The following CCDC180 variants were observed in gnomAD, a reference collection of about 807,000 sequenced individuals.
CCDC180 encodes the protein coiled-coil domain containing 180, also known as coiled-coil domain-containing protein 180.
A neutral mutation model predicts 209.2 loss-of-function variants in CCDC180; 154 were observed. The observed-to-expected ratio is 0.74, with a 90% CI of 0.65 to 0.84. The LOEUF is 0.84. Ranked by LOEUF, CCDC180 falls within the 40% of genes least tolerant of loss-of-function variation. CCDC180 has a pLI of 0.00. For missense variants in CCDC180, 1,874 were observed against 1,997.3 expected, an observed-to-expected ratio of 0.94 and a Z score of 1.18; for synonymous variants, 778 against 749.1, an observed-to-expected ratio of 1.04 and a Z score of -0.63.
chr9:97,340,087 C>A (rs1373748291), intron 18 of CCDC180, among the ~76,000 whole-genome samples: 1 of 152,078 alleles, frequency 6.6e-6, no homozygotes, highest in Non-Finnish European at 1.5e-5. Flanking sequence ...TTTTAGCTTC[C>A]TTGCATTAGG....
In CCDC180 at chr9:97,343,543, A is replaced by T; in HGVS notation, c.2478A>T (p.Leu826=). ...AACAAGTGACAATTCCATCGAGACT[A>T]ATTTTAGAAATTAAGAAACAGTGAG... is the stretch of plus-strand genomic sequence containing the variant. ...FIEQVTIPSR[L]ILEIKKQLRA... is the part of the protein sequence containing the mutation. The change falls in exon 19 of 37, where the codon CTA becomes CTT. Residue 826 remains leucine, a synonymous_variant. Transcript: ENST00000529487. The T allele has an allele frequency of 6.2e-7, 1 of 1,612,800 alleles. No homozygotes were observed. The highest frequency in any genetic ancestry group is 8.5e-7 in the Non-Finnish European group (1 of 1,178,880).
chr9:97,307,572 C>T (rs1466318151), upstream of CCDC180: 3 of 660,666 alleles, frequency 4.5e-6, no homozygotes, highest in Non-Finnish European at 8.2e-6. Flanking sequence ...CCCTCCAATT[C>T]TCCTCCCTGT....
intron 25 of CCDC180, 194 bp downstream of exon 25, chr9:97,357,919 T>C: frequency 1.9e-6 from 1 of 517,362 alleles, no homozygotes; most frequent in South Asian, 2.6e-5. Context: ...AAGCAGCCAC[T>C]GTTCACCTCC....
intron 36 of CCDC180, 22 bp from the exon 37 acceptor site, chr9:97,376,741 C>A: frequency 6.8e-6 from 11 of 1,609,064 alleles, no homozygotes; most frequent in Non-Finnish European, 9.3e-6. Context: ...CATGTGGACC[C>A]CTCCTGCTAC....
chr9:97,365,295 A>T (rs1182306894), intron 29 of CCDC180: 1 of 183,696 alleles, frequency 5.4e-6, no homozygotes, highest in Non-Finnish European at 1.1e-5. Flanking sequence ...GATCTTAAAC[A>T]CCTGGTGGCC....
intron 35 of CCDC180, 90 bp downstream of exon 35, chr9:97,374,738 T>C (rs1341330881): frequency 5.9e-6 from 6 of 1,010,116 alleles, no homozygotes; most frequent in Admixed American, 2.1e-5. Flanking sequence ...GACTCTGAAG[T>C]CAGACAGACC....
At chr9:97,311,121 A>G (rs1038750336) in intron 3 of CCDC180, among the ~76,000 whole-genome samples, 1 of 152,184 alleles carries the variant, frequency 6.6e-6, no homozygotes, top group African/African-American at 2.4e-5. Flanking sequence ...CACCCAGGGC[A>G]GACTCCTGGG....
At chr9:97,326,442 C>T (rs2118650446) in intron 14 of CCDC180, 112 bp from the exon 15 acceptor site, 1 of 694,976 alleles carries the variant, frequency 1.4e-6, no homozygotes, top group East Asian at 2.5e-5. Context: ...AGTCCTGGGT[C>T]TGCTGAGGCA....
In CCDC180 at chr9:97,343,340, G is replaced by A. The variant is rs1176443599; in HGVS notation, c.2275G>A (p.Glu759Lys). Residue 759 changes from glutamate (E) to lysine (K), a missense_variant and splice_region_variant, in exon 19 of 37, where the codon GAA (glutamate) becomes AAA (lysine). Physicochemically the swap from Glu to Lys is moderately conservative, Grantham distance 56. Transcript: ENST00000529487. ...AACTTTAGTGTTATTGCCTGCTTAG[G>A]AAGAAGACAAGGAAGAGGGTCTAGA... is the stretch of plus-strand genomic sequence containing the variant. ...EEQESLSVGE[E>K]EDKEEGLEEI... The A allele has an allele frequency of 3.1e-6, 5 of 1,593,672 alleles. No individual in the cohort carries two copies. Among genetic ancestry groups the A allele is most frequent in the Non-Finnish European group, 4.3e-6 (5 of 1,162,028 alleles).
Position 97,314,887 on chromosome 9 carries a change from G to A in CCDC180, c.736G>A (p.Glu246Lys), listed in dbSNP as rs750044356. 6.2e-7 allele frequency: 1 copy of A among 1,614,176 alleles called. No individual in the cohort carries two copies. The highest frequency in any genetic ancestry group is 1.7e-5 in the Admixed American group (1 of 60,026). Reference protein sequence around the residue: ...SVLKKYAEVIEKTSYLMRPEV... With the variant: ...SVLKKYAEVIKKTSYLMRPEV... ...GTTGAAGAAATATGCAGAAGTCATA[G>A]AGAAAACTTCCTACCTCATGCGGCC... The change falls in exon 8 of 37, where the codon GAG becomes AAG. Residue 246 changes from glutamate (E) to lysine (K), a missense_variant. Transcript: ENST00000529487.
At chr9:97,363,976 A>G (rs1826840850) in intron 28 of CCDC180, 75 bp from the exon 29 acceptor site, 2 of 1,435,430 alleles carry the variant, frequency 1.4e-6, no homozygotes, top group East Asian at 4.6e-5. Flanking sequence ...AAACCCAGGC[A>G]GGGATCCTGC....
At chr9:97,325,532 T>A (rs1386424852) in intron 14 of CCDC180, among the ~76,000 whole-genome samples, 1 of 152,188 alleles carries the variant, frequency 6.6e-6, no homozygotes, top group African/African-American at 2.4e-5. Flanking sequence ...TCAAAAGGAA[T>A]ACATCCACAG....
chr9:97,321,534 C>G (rs1007854024), intron 11 of CCDC180, among the ~76,000 whole-genome samples: 1 of 152,136 alleles, frequency 6.6e-6, no homozygotes, highest in Non-Finnish European at 1.5e-5. Context: ...TTCTAGGGCT[C>G]TCAGGTTTAT....
At chr9:97,343,976 A>C (rs976773445) in intron 19 of CCDC180, among the ~76,000 whole-genome samples, 2 of 152,232 alleles carry the variant, frequency 1.3e-5, no homozygotes, top group Admixed American at 6.5e-5. Flanking sequence ...GTATGTGCAA[A>C]ATATAAGAAT....
intron 26 of CCDC180, among the ~76,000 whole-genome samples, chr9:97,360,778 G>A (rs927765094): frequency 6.6e-6 from 1 of 152,118 alleles, no homozygotes; most frequent in African/African-American, 2.4e-5. Flanking sequence ...CTCCATTTCG[G>A]TTGCTGTCTG....
chr9:97,321,076 A>G (rs895096532), intron 11 of CCDC180, among the ~76,000 whole-genome samples: 1 of 152,188 alleles, frequency 6.6e-6, no homozygotes, highest in Non-Finnish European at 1.5e-5. Flanking sequence ...CCCCAAGATC[A>G]TGAGGGTAAA....
At chr9:97,362,526 T>G in intron 28 of CCDC180, 85 bp downstream of exon 28, 1 of 1,539,796 alleles carries the variant, frequency 6.5e-7, no homozygotes, top group South Asian at 1.3e-5. Context: ...TTTCCCAGGC[T>G]TTTCCTCAGA....
Position 97,343,384 on chromosome 9 carries a change from CATGGAGTCCTTCACAATCTCCAGTGGAA to C in CCDC180, c.2321_2348del (p.Met774ThrfsTer35). The C allele has an allele frequency of 6.2e-7, 1 of 1,613,512 alleles. No individual in the cohort carries two copies. The highest frequency in any genetic ancestry group is 8.5e-7 in the Non-Finnish European group (1 of 1,179,524). ...GTCTAGAGGAGATATACTATGAGGA[CATGGAGTCCTTCACAATCTCCAGTGGAA>C]ACACTTATTTTGTCTTTGTACCCCT... On this transcript the variant is annotated frameshift_variant, in exon 19 of 37. Coordinates refer to ENST00000529487, the MANE Select transcript of CCDC180 (RefSeq NM_020893.6). LOFTEE classifies it high-confidence loss of function.
chr9:97,326,415 C>A, intron 14 of CCDC180, 139 bp from the exon 15 acceptor site: 1 of 653,676 alleles, frequency 1.5e-6, no homozygotes, highest in South Asian at 1.8e-5. Flanking sequence ...GATTGGGTAC[C>A]CCATTTGTAG....
Sources: gnomAD v4.1 joint callset for allele counts (sites outside exome capture counted in the v4.1 genomes callset) on GRCh38, gnomAD v4.1.1 for gene constraint, MANE v1.5 for transcripts, NCBI Gene and HGNC (gene_info 2026-07-23, HGNC 2026-07-21) for gene names.